The following TJP1 variants were observed in gnomAD, a reference collection of about 807,000 sequenced individuals.
The protein encoded by TJP1 is tight junction protein ZO-1.
TJP1 carries 43 observed loss-of-function variants against 194.2 expected under a neutral mutation model. The ratio of observed to expected loss-of-function variants is 0.22; its 90% CI spans 0.17 to 0.29. The LOEUF (loss-of-function observed/expected upper bound fraction) is 0.29, where lower values mean the gene tolerates loss of function less well. TJP1 is among the 10% of genes least tolerant of loss of function. TJP1 has a pLI of 1.00. For missense variants in TJP1, 1,971 were observed against 2,185.7 expected (o/e 0.90, Z 1.96); for synonymous variants, 801 against 779.0 (o/e 1.03, Z -0.47).
chr15:29,801,522 C>T (rs1415027578), intron 1 of TJP1, among the ~76,000 whole-genome samples: 1 of 147,984 alleles, frequency 6.8e-6, no homozygotes, highest in Non-Finnish European at 1.5e-5. Context: ...AGTGCAGTGG[C>T]GGGATCTCGG....
intron 2 of TJP1, among the ~76,000 whole-genome samples, chr15:29,873,040 G>A (rs867150830): frequency 6.6e-5 from 10 of 152,156 alleles, no homozygotes; most frequent in Non-Finnish European, 1.2e-4. Context: ...TCAAAGCTGC[G>A]TTTGAAATGG....
intron 26 of TJP1, among the ~76,000 whole-genome samples, chr15:29,705,149 C>T (rs1275927468): frequency 6.6e-6 from 1 of 152,184 alleles, no homozygotes; most frequent in Non-Finnish European, 1.5e-5. Context: ...TTAGGTTCTC[C>T]AATCAGGTGA....
At chr15:29,888,501 A>C (rs577345660) in intron 2 of TJP1, among the ~76,000 whole-genome samples, 4 of 152,308 alleles carry the variant, frequency 2.6e-5, no homozygotes, top group African/African-American at 7.2e-5. Flanking sequence ...CTAAAGTTCC[A>C]ATTTTTTCCA....
intron 2 of TJP1, among the ~76,000 whole-genome samples, chr15:29,893,993 A>G (rs1186666610): frequency 6.6e-6 from 1 of 152,208 alleles, no homozygotes; most frequent in Admixed American, 6.5e-5. Context: ...AGGAAGCAAC[A>G]TTTATCTAAC....
chr15:29,720,474 C>T lies in TJP1; in HGVS notation c.2647G>A (p.Glu883Lys). ...TCATGATGCATTCCAGAGGAGTCCT[C>T]TCTTACAGGCTCAGAGGACCGTGTA... ...AITRSSEPVR[E>K]DSSGMHHENQ... The change falls in exon 19 of 28, where the codon GAG becomes AAG. Residue 883 changes from glutamate to lysine, a missense_variant. Physicochemically the swap from Glu to Lys is moderately conservative, Grantham distance 56 (BLOSUM62 1). This residue lies in a region of TJP1 where 1,108 missense variants were observed against 1,128.5 expected (regional missense o/e 0.98). Coordinates refer to ENST00000614355, the MANE Select transcript of TJP1 (RefSeq NM_001330239.4). 6.2e-7 allele frequency: 1 copy of T among 1,614,148 alleles called. No homozygotes were observed. Among genetic ancestry groups the T allele is most frequent in the Non-Finnish European group, 8.5e-7 (1 of 1,180,032 alleles).
At chr15:29,746,531 G>A (rs1450012331) in intron 8 of TJP1, among the ~76,000 whole-genome samples, 1 of 152,054 alleles carries the variant, frequency 6.6e-6, no homozygotes, top group East Asian at 1.9e-4. Context: ...GTACAGACAA[G>A]CAACAGATAC....
chr15:29,953,234 C>T (rs372009557), intron 2 of TJP1, among the ~76,000 whole-genome samples: 152 of 150,098 alleles, frequency 1.0e-3, no homozygotes, highest in African/African-American at 3.5e-3. Flanking sequence ...CTCCACCTCC[C>T]GAGTTCAAGC....
chr15:29,937,314 T>C (rs558231016), intron 2 of TJP1, among the ~76,000 whole-genome samples: 1 of 152,184 alleles, frequency 6.6e-6, no homozygotes, highest in Non-Finnish European at 1.5e-5. Context: ...GGCTTACAAA[T>C]GTATTGGTTT....
At chr15:29,850,856 G>A (rs2051616354) in intron 2 of TJP1, among the ~76,000 whole-genome samples, 1 of 152,048 alleles carries the variant, frequency 6.6e-6, no homozygotes, top group South Asian at 2.1e-4. Context: ...ATAAAATATA[G>A]GCTGGGCACA....
At chr15:29,825,681 CAAAG>C (rs2050654271), upstream of TJP1, among the ~76,000 whole-genome samples, 1 of 152,092 alleles carries the variant, frequency 6.6e-6, no homozygotes, top group Admixed American at 6.6e-5. Context: ...TTACGCTTGA[CAAAG>C]AGGAAGTATT....
At position 29,812,692 on chromosome 15, in the gene TJP1, G is replaced by A. The variant is rs570621725; in HGVS notation, c.27+9310C>T. Among the ~76,000 whole-genome samples the A allele has an allele frequency of 2.0e-5, 3 of 152,258 alleles. No individual in the cohort carries two copies. In the South Asian group the frequency reaches 6.2e-4, roughly 32 times the overall value. On this transcript the variant is annotated intron_variant, in intron 1 of 27. Coordinates refer to ENST00000614355, the MANE Select transcript of TJP1 (RefSeq NM_001330239.4). ...GTAAGTAGATGTATGATTACCTATG[G>A]CAAGTAAATTTAACCTCAGATCCTT... is the stretch of plus-strand genomic sequence containing the variant.
At chr15:29,949,049 G>A (rs201625311) in intron 2 of TJP1, among the ~76,000 whole-genome samples, 43 of 98,878 alleles carry the variant, frequency 4.3e-4, no homozygotes, top group Non-Finnish European at 7.3e-4. Flanking sequence ...CATCACCTCC[G>A]CCACCTCCAC....
At chr15:29,949,748 TCCACTTTCACCACCACTACCTCCA>T (rs2055564513) in intron 2 of TJP1, among the ~76,000 whole-genome samples, 3 of 56,066 alleles carry the variant, frequency 5.4e-5, no homozygotes, top group Non-Finnish European at 7.1e-5. Flanking sequence ...CACCACCACC[TCCACTTTCACCACCACTACCTCCA>T]CCACCTCCAC....
At chr15:29,966,661 G>A (rs887796648) in intron 1 of TJP1, among the ~76,000 whole-genome samples, 6 of 4,616 alleles carry the variant, frequency 1.3e-3, no homozygotes, top group South Asian at 7.4e-3. Context: ...CCAGACATCC[G>A]TTGCAGGGTT....
intron 1 of TJP1, among the ~76,000 whole-genome samples, chr15:29,966,036 AC>A (rs1254109552): frequency 6.6e-6 from 1 of 152,132 alleles, no homozygotes; most frequent in Non-Finnish European, 1.5e-5. Flanking sequence ...TATAAAAGTT[AC>A]CTGGATTTTA....
intron 2 of TJP1, among the ~76,000 whole-genome samples, chr15:29,946,560 T>C (rs1451025831): frequency 6.6e-6 from 1 of 152,242 alleles, no homozygotes; most frequent in Non-Finnish European, 1.5e-5. Flanking sequence ...CCAGGATGCA[T>C]GGCCTGAATC....
At chr15:29,847,757 C>T (rs1334034480) in intron 2 of TJP1, among the ~76,000 whole-genome samples, 2 of 151,938 alleles carry the variant, frequency 1.3e-5, no homozygotes, top group Non-Finnish European at 2.9e-5. Context: ...TGCACTCCAG[C>T]CTGGGTGACA....
intron 1 of TJP1, among the ~76,000 whole-genome samples, chr15:29,963,791 C>T (rs1028822683): frequency 2.0e-5 from 3 of 152,116 alleles, no homozygotes; most frequent in Non-Finnish European, 2.9e-5. Context: ...GCAGCTGGGA[C>T]TACAGGTACG....
At chr15:29,884,489 A>G (rs1009472697) in intron 2 of TJP1, among the ~76,000 whole-genome samples, 1 of 152,206 alleles carries the variant, frequency 6.6e-6, no homozygotes, top group Admixed American at 6.5e-5. Flanking sequence ...ACTCTTACCC[A>G]GGTTGTCCAA....
Sources: gnomAD v4.1 joint callset for allele counts (sites outside exome capture counted in the v4.1 genomes callset) on GRCh38, gnomAD v4.1.1 for gene constraint, gnomAD v4.1.1 regional missense constraint, MANE v1.5 for transcripts, NCBI Gene and HGNC (gene_info 2026-07-23, HGNC 2026-07-21) for gene names.